The following KIAA1549L variants were observed in gnomAD, a reference collection of about 807,000 sequenced individuals.
KIAA1549L encodes KIAA1549 like.
A neutral mutation model predicts 160.7 loss-of-function variants in KIAA1549L; 88 were observed. That is an observed-to-expected ratio of 0.55 (90% CI 0.46 to 0.65). The LOEUF (loss-of-function observed/expected upper bound fraction) is 0.65, where lower values mean the gene tolerates loss of function less well. Among genes scored for constraint, KIAA1549L ranks in the 30% least tolerant of loss-of-function variants. The pLI is 0.00. For missense variants in KIAA1549L, 2,258 were observed against 2,437.5 expected (o/e 0.93, Z 1.55); for synonymous variants, 950 against 976.7 (o/e 0.97, Z 0.51).
At chr11:33,516,016 T>C (rs1396674932) in intron 1 of KIAA1549L, among the ~76,000 whole-genome samples, 1 of 152,202 alleles carries the variant, frequency 6.6e-6, no homozygotes, top group African/African-American at 2.4e-5. Context: ...TGCCATTCTG[T>C]ACTACAGCAC....
chr11:33,471,363 T>G (rs1012376828), intron 1 of KIAA1549L, among the ~76,000 whole-genome samples: 2 of 152,174 alleles, frequency 1.3e-5, no homozygotes, highest in Non-Finnish European at 2.9e-5. Flanking sequence ...ATTAGTTCTC[T>G]AAGTCATGCA....
At chr11:33,380,691 T>C (rs925461841) in intron 1 of KIAA1549L, among the ~76,000 whole-genome samples, 12 of 152,108 alleles carry the variant, frequency 7.9e-5, no homozygotes, top group Non-Finnish European at 1.6e-4. Context: ...CAAAGAACTT[T>C]GTAGGTCTCT....
intron 1 of KIAA1549L, among the ~76,000 whole-genome samples, chr11:33,476,900 T>C (rs959313411): frequency 6.6e-6 from 1 of 152,252 alleles, no homozygotes; most frequent in South Asian, 2.1e-4. Context: ...TATGTCTCTT[T>C]CATTAGAATG....
intron 20 of KIAA1549L, among the ~76,000 whole-genome samples, chr11:33,667,115 C>T (rs532150254): frequency 1.3e-5 from 2 of 152,052 alleles, no homozygotes; most frequent in Admixed American, 6.6e-5. Flanking sequence ...GAGAATCACT[C>T]GAGCCCCAGA....
At chr11:33,640,220 T>C (rs1851548796) in intron 16 of KIAA1549L, among the ~76,000 whole-genome samples, 1 of 152,188 alleles carries the variant, frequency 6.6e-6, no homozygotes, top group Non-Finnish European at 1.5e-5. Flanking sequence ...CAGCTCAGTC[T>C]GAGAGAGTAT....
chr11:33,580,200 T>C (rs1395969670), intron 10 of KIAA1549L, among the ~76,000 whole-genome samples: 1 of 152,134 alleles, frequency 6.6e-6, no homozygotes, highest in Non-Finnish European at 1.5e-5. Context: ...GCTGATGGAA[T>C]AGGGAAAATT....
intron 1 of KIAA1549L, among the ~76,000 whole-genome samples, chr11:33,410,185 C>T (rs1327983426): frequency 4.6e-5 from 7 of 151,980 alleles, no homozygotes; most frequent in Non-Finnish European, 8.8e-5. Context: ...ATTAAAGAGG[C>T]AGTAGACTGT....
intron 20 of KIAA1549L, among the ~76,000 whole-genome samples, chr11:33,666,042 T>TG (rs1852438227): frequency 6.6e-6 from 1 of 152,160 alleles, no homozygotes; most frequent in Non-Finnish European, 1.5e-5. Context: ...TCTGCAGCTA[T>TG]GGGTGGGGTG....
chr11:33,516,139 CTTTTTTTTT>C lies in KIAA1549L; in HGVS notation c.239-25641_239-25633del, dbSNP rs927894187. On this transcript the variant is annotated intron_variant, in intron 1 of 20. Transcript: ENST00000658780. Reference sequence around the variant, plus strand: ...CACTACCAATCAGCTGGAGGTGATTCTTTTTTTTTTTTTTTTTTTTTTTTTTTTTTGAGA... The same window carrying C: ...CACTACCAATCAGCTGGAGGTGATTCTTTTTTTTTTTTTTTTTTTTTGAGA... Among the ~76,000 whole-genome samples the C allele has an allele frequency of 9.0e-4, 39 of 43,266 alleles. 4 individuals carry two copies. Among genetic ancestry groups the C allele is most frequent in the African/African-American group, 8.7e-3 (38 of 4,360 alleles). 28.4% of individuals were successfully genotyped at this position (43,266 alleles called of 152,430 possible).
chr11:33,390,285 C>T (rs1193669283), intron 1 of KIAA1549L, among the ~76,000 whole-genome samples: 1 of 152,234 alleles, frequency 6.6e-6, no homozygotes, highest in East Asian at 1.9e-4. Flanking sequence ...GCTAAGGTTA[C>T]TGGCTGTGCA....
intron 1 of KIAA1549L, among the ~76,000 whole-genome samples, chr11:33,378,833 C>T (rs1208403361): frequency 5.9e-5 from 9 of 152,098 alleles, no homozygotes; most frequent in Admixed American, 5.9e-4. Flanking sequence ...TACCTCCTAT[C>T]TGCTCTCATT....
At chr11:33,520,063 C>T (rs1021117949) in intron 1 of KIAA1549L, among the ~76,000 whole-genome samples, 1 of 151,898 alleles carries the variant, frequency 6.6e-6, no homozygotes, top group Non-Finnish European at 1.5e-5. Flanking sequence ...ATCAAACCAT[C>T]ATCACTATCC....
chr11:33,606,921 T>C, intron 14 of KIAA1549L, 99 bp downstream of exon 14: 1 of 938,850 alleles, frequency 1.1e-6, no homozygotes, highest in Non-Finnish European at 1.6e-6. Context: ...AGATTGCACC[T>C]AGGGCCGTAT....
intron 1 of KIAA1549L, among the ~76,000 whole-genome samples, chr11:33,415,596 G>A (rs973787614): frequency 6.6e-6 from 1 of 152,114 alleles, no homozygotes; most frequent in African/African-American, 2.4e-5. Flanking sequence ...TAGGATACCC[G>A]AGTGGAACAG....
At chr11:33,510,194 G>T (rs1039615311) in intron 1 of KIAA1549L, among the ~76,000 whole-genome samples, 4 of 151,858 alleles carry the variant, frequency 2.6e-5, no homozygotes, top group Admixed American at 2.6e-4. Flanking sequence ...TTGATCTCTT[G>T]ATTTCTCTTT....
chr11:33,502,399 C>T (rs1352903246), intron 1 of KIAA1549L, among the ~76,000 whole-genome samples: 2 of 152,094 alleles, frequency 1.3e-5, no homozygotes, highest in Admixed American at 6.6e-5. Context: ...ATCTATTTTT[C>T]CTCTGTGGAA....
Position 33,542,137 on chromosome 11 carries a change from G to T in KIAA1549L, c.574G>T (p.Asp192Tyr). 3.6e-6 allele frequency: 2 copies of T among 553,954 alleles called. No homozygotes were observed. The highest frequency in any genetic ancestry group is 6.9e-6 in the Non-Finnish European group (2 of 289,804). 34.3% of individuals were successfully genotyped at this position (553,954 alleles called of 1,614,324 possible). A position where few individuals can be genotyped will look rare whatever the true frequency, so the allele number is the denominator to read the frequency against. ...GCCTAAAGGGGGACAAGAAGCAGCC[G>T]ATGTGTCAGGTTTGCCTCTCACCAG... The part of the protein sequence containing the change: ...PGPKGGQEAA[D>Y]VSGLPLTSML... Residue 192 changes from aspartate to tyrosine, a missense_variant, in exon 2 of 21, where the codon GAT becomes TAT. Around this residue, in one of 6 missense-constraint regions of KIAA1549L, gnomAD observed 540 missense variants for 465.7 expected, o/e 1.16. Coordinates refer to ENST00000658780, the MANE Select transcript of KIAA1549L (RefSeq NM_012194.3).
At chr11:33,546,257 G>C (rs1854257868) in intron 3 of KIAA1549L, among the ~76,000 whole-genome samples, 1 of 152,180 alleles carries the variant, frequency 6.6e-6, no homozygotes, top group Non-Finnish European at 1.5e-5. Context: ...GGGAAATTAT[G>C]AAATTAGGCA....
At chr11:33,631,537 G>A (rs1851289830) in intron 16 of KIAA1549L, among the ~76,000 whole-genome samples, 1 of 152,144 alleles carries the variant, frequency 6.6e-6, no homozygotes, top group Non-Finnish European at 1.5e-5. Context: ...TATGCCTGAG[G>A]TGCCAGAAGC....
Sources: gnomAD v4.1 joint callset for allele counts (sites outside exome capture counted in the v4.1 genomes callset) on GRCh38, gnomAD v4.1.1 for gene constraint, gnomAD v4.1.1 regional missense constraint, MANE v1.5 for transcripts, NCBI Gene and HGNC (gene_info 2026-07-23, HGNC 2026-07-21) for gene names.